BTBD7: variants seen among roughly 807,000 people sequenced by gnomAD.
The protein encoded by BTBD7 is BTB/POZ domain-containing protein 7.
Under a neutral mutation model 99.9 loss-of-function variants are expected in BTBD7, and 38 were observed. The ratio of observed to expected loss-of-function variants is 0.38; its 90% confidence interval spans 0.29 to 0.50. The LOEUF (loss-of-function observed/expected upper bound fraction) is 0.50. Ranked by LOEUF, BTBD7 falls within the 20% of genes least tolerant of loss-of-function variation. The probability of loss-of-function intolerance (pLI) is 0.93; values close to 1 mark genes in which losing one functional copy is unlikely to be tolerated. For missense variants in BTBD7, 1,170 were observed against 1,394.6 expected (o/e 0.84, Z 2.57); for synonymous variants, 520 against 511.4 (o/e 1.02, Z -0.23).
At position 93,271,442 on chromosome 14, in the gene BTBD7, C is replaced by T. The variant is rs148382575; in HGVS notation, c.1163-7449G>A. Among the ~76,000 whole-genome samples, 889 of 152,174 alleles carry T rather than the reference C, an allele frequency of 5.8e-3. 12 individuals are homozygous for T. Among genetic ancestry groups the T allele is most frequent in the Middle Eastern group, 0.051 (15 of 294 alleles). On this transcript the variant is annotated intron_variant, in intron 3 of 10. Coordinates refer to ENST00000334746, the MANE Select transcript of BTBD7 (RefSeq NM_001002860.4). The stretch of plus-strand genomic sequence containing the variant: ...CTTGCCATGCAACATAAAACAAGAT[C>T]GTAAGTTTAGAGGAGGGCCGGCCTT...
At chr14:93,309,525 C>T (rs184410682) in intron 1 of BTBD7, among the ~76,000 whole-genome samples, 3 of 151,408 alleles carry the variant, frequency 2.0e-5, no homozygotes, top group Non-Finnish European at 4.4e-5. Flanking sequence ...AACAAGAAAG[C>T]GTCTCAAAAG....
chr14:93,326,714 G>T (rs938437406), intron 1 of BTBD7, among the ~76,000 whole-genome samples: 1 of 149,552 alleles, frequency 6.7e-6, no homozygotes, highest in Admixed American at 6.6e-5. Context: ...AGGCAGGAGA[G>T]AATCACTTGA....
intron 1 of BTBD7, among the ~76,000 whole-genome samples, chr14:93,328,910 CT>C (rs1480439106): frequency 6.6e-6 from 1 of 152,118 alleles, no homozygotes; most frequent in Non-Finnish European, 1.5e-5. Flanking sequence ...GACCCAGAAC[CT>C]ATCTATCTTT....
chr14:93,247,878 C>T (rs2052330325), intron 9 of BTBD7, among the ~76,000 whole-genome samples: 1 of 152,112 alleles, frequency 6.6e-6, no homozygotes, highest in Admixed American at 6.5e-5. Flanking sequence ...AAAGAAAGCA[C>T]TTACTGTTTG....
chr14:93,296,557 AC>A (rs1362951556), intron 1 of BTBD7, among the ~76,000 whole-genome samples: 3 of 152,222 alleles, frequency 2.0e-5, no homozygotes, highest in African/African-American at 7.2e-5. Context: ...TAAGAGGTCA[AC>A]ACTGGTACCG....
At chr14:93,274,308 T>C (rs1036818949) in intron 3 of BTBD7, among the ~76,000 whole-genome samples, 1 of 152,178 alleles carries the variant, frequency 6.6e-6, no homozygotes, top group Admixed American at 6.5e-5. Flanking sequence ...CTCTCTGCCT[T>C]TCACCACAGC....
Position 93,277,654 on chromosome 14 carries a change from C to T in BTBD7, c.1163-13661G>A, listed in dbSNP as rs79821411. On this transcript the variant is annotated intron_variant, in intron 3 of 10. Transcript: ENST00000334746. ...CTTTCAGGATTAAATAATATACATACAGCTCTTAGTCCATTGCTTACCTTA... is the reference window on the plus strand; with the variant it reads ...CTTTCAGGATTAAATAATATACATATAGCTCTTAGTCCATTGCTTACCTTA... 5.6e-3 allele frequency among the ~76,000 whole-genome samples: 857 copies of T among 152,304 alleles called. 3 individuals carry two copies. The highest frequency in any genetic ancestry group is 0.01 in the Admixed American group (156 of 15,306).
chr14:93,278,710 T>C lies in BTBD7; in HGVS notation c.1163-14717A>G, dbSNP rs557735617. On this transcript the variant is annotated intron_variant, in intron 3 of 10. Transcript: ENST00000334746. Reference sequence around the variant, plus strand: ...TTTTATAACCTTATAGGACCACCATTGTACATGTGGTCTGCTGTTGACTGA... The same window carrying C: ...TTTTATAACCTTATAGGACCACCATCGTACATGTGGTCTGCTGTTGACTGA... 9.2e-5 allele frequency among the ~76,000 whole-genome samples: 14 copies of C among 152,356 alleles called. 1 individual carries two copies. The highest frequency in any genetic ancestry group is 2.9e-4 in the African/African-American group (12 of 41,594).
At chr14:93,310,386 C>T (rs2053123113) in intron 1 of BTBD7, among the ~76,000 whole-genome samples, 2 of 152,304 alleles carry the variant, frequency 1.3e-5, no homozygotes, top group South Asian at 4.1e-4. Context: ...TATGTCTCTT[C>T]AATCTCTGCA....
At chr14:93,329,838 A>G (rs1158415449) in intron 1 of BTBD7, among the ~76,000 whole-genome samples, 2 of 152,236 alleles carry the variant, frequency 1.3e-5, no homozygotes, top group East Asian at 1.9e-4. Context: ...CATGAGCCTA[A>G]GAAAACTCCA....
At chr14:93,259,523 G>A (rs915064412) in intron 5 of BTBD7, among the ~76,000 whole-genome samples, 1 of 152,192 alleles carries the variant, frequency 6.6e-6, no homozygotes, top group African/African-American at 2.4e-5. Context: ...TTGCTACTCC[G>A]TGAATGACCA....
intron 1 of BTBD7, among the ~76,000 whole-genome samples, chr14:93,308,118 C>T (rs991892984): frequency 6.6e-6 from 1 of 151,822 alleles, no homozygotes; most frequent in Non-Finnish European, 1.5e-5. Context: ...CACAGTGAAA[C>T]CCCGTCTCTA....
chr14:93,261,353 T>C (rs2052487597), intron 5 of BTBD7, among the ~76,000 whole-genome samples: 1 of 152,254 alleles, frequency 6.6e-6, no homozygotes, highest in South Asian at 2.1e-4. Flanking sequence ...GAATCAGTCA[T>C]GTTTTATTAA....
chr14:93,277,295 A>G (rs2052666955), intron 3 of BTBD7, among the ~76,000 whole-genome samples: 1 of 152,196 alleles, frequency 6.6e-6, no homozygotes, highest in African/African-American at 2.4e-5. Context: ...GGCATTTAAA[A>G]TGTTTACATT....
intron 1 of BTBD7, among the ~76,000 whole-genome samples, chr14:93,330,860 C>T (rs980360844): frequency 1.3e-5 from 2 of 152,144 alleles, no homozygotes; most frequent in Non-Finnish European, 1.5e-5. Context: ...GGTAGTGTAA[C>T]CTAGAAATCA....
rs34523849 is a variant in BTBD7, at chr14:93,325,106, A to ATTTTTT, written c.-107+7708_-107+7713dup. Among the ~76,000 whole-genome samples the ATTTTTT allele has an allele frequency of 2.8e-3, 292 of 105,554 alleles. 5 individuals carry two copies. The highest frequency in any genetic ancestry group is 7.8e-3 in the African/African-American group (204 of 26,234). 69.2% of individuals were successfully genotyped at this position (105,554 alleles called of 152,430 possible). A position where few individuals can be genotyped will look rare whatever the true frequency, so the allele number is the denominator to read the frequency against. On this transcript the variant is annotated intron_variant, in intron 1 of 10. Transcript: ENST00000334746. ...TTAAGTAGAGAAGCAGCATGCTCCAATTTTTTTTTTTTTTTTTTTTTTTTT... is the reference window on the plus strand; with the variant it reads ...TTAAGTAGAGAAGCAGCATGCTCCAATTTTTTTTTTTTTTTTTTTTTTTTTTTTTTT...
chr14:93,288,304 A>T, intron 3 of BTBD7: 1 of 584,676 alleles, frequency 1.7e-6, no homozygotes, highest in Non-Finnish European at 3.0e-6. Flanking sequence ...CCCTGGATGA[A>T]TACTCTAGTT....
chr14:93,293,827 T>A (rs1293618218), intron 3 of BTBD7, 31 bp downstream of exon 3: 1 of 1,567,536 alleles, frequency 6.4e-7, no homozygotes, highest in Non-Finnish European at 8.6e-7. Flanking sequence ...CATAATTCTA[T>A]AAATCAGAAT....
Position 93,243,031 on chromosome 14 carries a change from G to A in BTBD7, c.2641C>T (p.Leu881=), listed in dbSNP as rs1201833364. Residue 881 remains leucine (L), a synonymous_variant, in exon 11 of 11, where the codon CTG becomes TTG. Transcript: ENST00000334746. ...GGAAGCCTCCTGTCCTTGAGTGACA[G>A]TGTGGACACACCCACCGCGATGTCT... ...MPDIAVGVST[L]SLKDRRLPEL... is the part of the protein sequence containing the mutation. 1 of 1,614,132 alleles carries A rather than the reference G, an allele frequency of 6.2e-7. No individual in the cohort carries two copies. The highest frequency in any genetic ancestry group is 1.7e-5 in the Admixed American group (1 of 60,020).
Sources: allele counts gnomAD v4.1 joint callset (sites outside exome capture counted in the v4.1 genomes callset), GRCh38; gene constraint gnomAD v4.1.1; transcripts MANE v1.5; gene names NCBI Gene and HGNC (gene_info 2026-07-23, HGNC 2026-07-21).